MALRD1: variants seen among roughly 807,000 people sequenced by gnomAD.
The protein encoded by MALRD1 is MAM and LDL-receptor class A domain-containing protein 1.
A neutral mutation model predicts 242.1 loss-of-function variants in MALRD1; 247 were observed. The observed-to-expected ratio is 1.02, with a 90% CI of 0.92 to 1.13. The LOEUF (loss-of-function observed/expected upper bound fraction) is 1.13. MALRD1 is among the 50% of genes most tolerant of loss of function. MALRD1 has a pLI of 0.00. For missense variants in MALRD1, 2,989 were observed against 2,533.1 expected (o/e 1.18, Z -3.86); for synonymous variants, 995 against 866.6 (o/e 1.15, Z -2.60).
Position 19,372,627 on chromosome 10 carries a change from C to A in MALRD1, c.4442-14901C>A, listed in dbSNP as rs886311707. 4.0e-5 allele frequency among the ~76,000 whole-genome samples: 6 copies of A among 151,880 alleles called. No individual in the cohort carries two copies. In the East Asian group the frequency reaches 9.7e-4, roughly 25 times the overall value. On this transcript the variant is annotated intron_variant, in intron 26 of 39. Coordinates refer to ENST00000454679, the MANE Select transcript of MALRD1 (RefSeq NM_001142308.3). ...GGATTACAGGTGCTCATTATCACGC[C>A]TGGCTAATTTTTGTATTTTTAGTAG...
At chr10:19,682,380 T>G (rs1294531606) in intron 36 of MALRD1, among the ~76,000 whole-genome samples, 1 of 152,216 alleles carries the variant, frequency 6.6e-6, no homozygotes, top group Non-Finnish European at 1.5e-5. Context: ...CGTTATAACC[T>G]ACTAATAGCA....
At chr10:19,379,135 T>C (rs1845730027) in intron 26 of MALRD1, among the ~76,000 whole-genome samples, 2 of 152,106 alleles carry the variant, frequency 1.3e-5, no homozygotes, top group South Asian at 4.1e-4. Flanking sequence ...GTATACAACA[T>C]GTAGTGATAT....
intron 32 of MALRD1, among the ~76,000 whole-genome samples, chr10:19,548,685 G>A (rs915221301): frequency 2.6e-5 from 4 of 152,174 alleles, no homozygotes; most frequent in African/African-American, 9.7e-5. Flanking sequence ...AATACTGTGT[G>A]TGTTCTGACT....
chr10:19,639,678 T>C (rs1840298949), intron 36 of MALRD1, among the ~76,000 whole-genome samples: 1 of 152,130 alleles, frequency 6.6e-6, no homozygotes, highest in African/African-American at 2.4e-5. Context: ...AGAGTATAAA[T>C]GTATAGCAGT....
intron 13 of MALRD1, among the ~76,000 whole-genome samples, chr10:19,172,215 A>G (rs1357374695): frequency 6.7e-6 from 1 of 149,178 alleles, no homozygotes; most frequent in African/African-American, 2.4e-5. Context: ...ATGTATATGT[A>G]TATGTATATA....
chr10:19,315,741 T>A (rs1467018810), intron 21 of MALRD1, among the ~76,000 whole-genome samples: 4 of 139,590 alleles, frequency 2.9e-5, no homozygotes, highest in African/African-American at 1.1e-4. Context: ...TGTTATATAA[T>A]ATATATCTAA....
intron 24 of MALRD1, among the ~76,000 whole-genome samples, chr10:19,340,540 T>C (rs1169729103): frequency 6.6e-6 from 1 of 152,060 alleles, no homozygotes; most frequent in Non-Finnish European, 1.5e-5. Context: ...TCTCTGCCTG[T>C]GTCATGCGTC....
intron 28 of MALRD1, among the ~76,000 whole-genome samples, chr10:19,397,052 G>A (rs1234140257): frequency 6.6e-6 from 1 of 151,948 alleles, no homozygotes; most frequent in Non-Finnish European, 1.5e-5. Flanking sequence ...ATCAAATCAG[G>A]GTAATTAGCT....
At chr10:19,543,429 A>ATTTT (rs1364193801) in intron 32 of MALRD1, among the ~76,000 whole-genome samples, 1 of 43,874 alleles carries the variant, frequency 2.3e-5, no homozygotes, top group Non-Finnish European at 5.1e-5. Flanking sequence ...TGCCCAGCTG[A>ATTTT]TTTCTTTTTT....
At chr10:19,421,560 C>G (rs1357784773) in intron 28 of MALRD1, among the ~76,000 whole-genome samples, 1 of 152,144 alleles carries the variant, frequency 6.6e-6, no homozygotes, top group Admixed American at 6.6e-5. Flanking sequence ...TGTTTAAAAG[C>G]TTTACACACT....
At chr10:19,190,145 C>T (rs997864669) in intron 14 of MALRD1, among the ~76,000 whole-genome samples, 4 of 151,870 alleles carry the variant, frequency 2.6e-5, no homozygotes, top group Non-Finnish European at 5.9e-5. Context: ...AAATTGGTTG[C>T]ATTTCTTTAC....
intron 33 of MALRD1, among the ~76,000 whole-genome samples, chr10:19,586,849 C>G (rs1255418681): frequency 6.6e-6 from 1 of 152,244 alleles, no homozygotes; most frequent in African/African-American, 2.4e-5. Flanking sequence ...GCAGTTTGAT[C>G]TCAGACTGCT....
intron 32 of MALRD1, among the ~76,000 whole-genome samples, chr10:19,567,247 T>C (rs1024298165): frequency 1.8e-4 from 27 of 152,240 alleles, no homozygotes; most frequent in African/African-American, 6.5e-4. Flanking sequence ...TTAAGACAGT[T>C]ACGGTTTTTT....
chr10:19,579,625 A>C (rs1189266764), intron 33 of MALRD1, among the ~76,000 whole-genome samples: 2 of 152,298 alleles, frequency 1.3e-5, no homozygotes, highest in South Asian at 4.1e-4. Flanking sequence ...ATATCCTATC[A>C]TCTGATATAT....
chr10:19,095,814 G>C (rs932912348), intron 4 of MALRD1, among the ~76,000 whole-genome samples: 2 of 152,152 alleles, frequency 1.3e-5, no homozygotes, highest in African/African-American at 4.8e-5. Context: ...GTGTCTGCTT[G>C]TTGTCTCAAC....
intron 22 of MALRD1, among the ~76,000 whole-genome samples, chr10:19,325,809 G>T: frequency 6.6e-6 from 1 of 152,058 alleles, no homozygotes; most frequent in East Asian, 1.9e-4. Context: ...AAGATTAGAC[G>T]TGAGTTTCCT....
chr10:19,705,657 C>T (rs1833829183), intron 38 of MALRD1, among the ~76,000 whole-genome samples: 2 of 152,044 alleles, frequency 1.3e-5, no homozygotes, highest in South Asian at 4.2e-4. Context: ...CCTCCTCCTC[C>T]TCCTCCTCTT....
chr10:19,105,818 C>A (rs1313036899), intron 5 of MALRD1, among the ~76,000 whole-genome samples: 1 of 151,798 alleles, frequency 6.6e-6, no homozygotes, highest in Non-Finnish European at 1.5e-5. Context: ...ATTTATTGGT[C>A]ATTTTTCTGA....
chr10:19,719,160 A>C, intron 38 of MALRD1, among the ~76,000 whole-genome samples: 1 of 100,060 alleles, frequency 1.0e-5, no homozygotes, highest in South Asian at 3.4e-4. Flanking sequence ...CAAATTATAT[A>C]TATATATATA....
Sources: allele counts gnomAD v4.1 joint callset (sites outside exome capture counted in the v4.1 genomes callset), GRCh38; gene constraint gnomAD v4.1.1; transcripts MANE v1.5; gene names NCBI Gene and HGNC (gene_info 2026-07-23, HGNC 2026-07-21).